Variants in GASK1A observed in about 807,000 individuals in gnomAD.
GASK1A encodes golgi associated kinase 1A.
GASK1A carries 40 observed loss-of-function variants against 41.2 expected under a neutral mutation model. The ratio of observed to expected loss-of-function variants is 0.97; its 90% CI spans 0.75 to 1.27. GASK1A has a LOEUF of 1.27. Among genes scored for constraint, GASK1A ranks in the 50% most tolerant of loss-of-function variants. GASK1A has a pLI of 0.00. For synonymous variants in GASK1A, 316 were observed against 307.1 expected (o/e 1.03, Z -0.30); for missense variants, 678 against 745.1 (o/e 0.91, Z 1.05).
Position 42,979,654 on chromosome 3 carries a change from C to T in GASK1A, c.3+9C>T. 8.0e-7 allele frequency: 1 copy of T among 1,245,670 alleles called. No homozygotes were observed. Among genetic ancestry groups the T allele is most frequent in the Non-Finnish European group, 1.0e-6 (1 of 987,692 alleles). 77.2% of individuals were successfully genotyped at this position (1,245,670 alleles called of 1,614,324 possible). Reference sequence around the variant, plus strand: ...GCACCGCCGGGGACATGGTAGGACTCGCGGGAAGGAACGCGCGAGCGGAGG... The same window carrying T: ...GCACCGCCGGGGACATGGTAGGACTTGCGGGAAGGAACGCGCGAGCGGAGG... On this transcript the variant is annotated intron_variant, in intron 1 of 4. Transcript: ENST00000430121.
At chr3:43,030,038 C>T (rs2089566722) in intron 1 of GASK1A, among the ~76,000 whole-genome samples, 1 of 152,148 alleles carries the variant, frequency 6.6e-6, no homozygotes, top group African/African-American at 2.4e-5. Context: ...CTGCTGTCAC[C>T]CAGGCTGGAG....
rs2089298513 is a variant in GASK1A, at chr3:42,984,535, A to C, written c.3+4890A>C. On this transcript the variant is annotated intron_variant, in intron 1 of 4. Transcript: ENST00000430121. The surrounding 1 kb of genome is among the most constrained non-coding windows in gnomAD (Gnocchi z 4.2). ...ATAGCATCTGGTGAATCCTGGGGTCAAGGAGGCTAAGAGTGGAAGGAAAGC... is the reference window on the plus strand; with the variant it reads ...ATAGCATCTGGTGAATCCTGGGGTCCAGGAGGCTAAGAGTGGAAGGAAAGC... Among the ~76,000 whole-genome samples, 1 of 152,102 alleles carries C rather than the reference A, an allele frequency of 6.6e-6. No individual in the cohort carries two copies. The highest frequency in any genetic ancestry group is 1.5e-5 in the Non-Finnish European group (1 of 68,016).
intron 2 of GASK1A, among the ~76,000 whole-genome samples, chr3:43,051,407 G>A (rs888351746): frequency 1.3e-5 from 2 of 152,162 alleles, no homozygotes; most frequent in African/African-American, 4.8e-5. Context: ...TCTCCAACAC[G>A]TATGTATGCA....
chr3:43,004,452 TG>T (rs2089424654), intron 1 of GASK1A, among the ~76,000 whole-genome samples: 1 of 152,188 alleles, frequency 6.6e-6, no homozygotes, highest in African/African-American at 2.4e-5. Flanking sequence ...AGCTTATGAG[TG>T]ATCGTCACAC....
At chr3:43,046,445 G>A (rs2089662428) in intron 2 of GASK1A, among the ~76,000 whole-genome samples, 1 of 152,186 alleles carries the variant, frequency 6.6e-6, no homozygotes, top group South Asian at 2.1e-4. Flanking sequence ...AAGCAGCAAA[G>A]CATTCAAGAT....
rs151035271 is a variant in GASK1A, at chr3:43,016,129, G to T, written c.4-16138G>T. On this transcript the variant is annotated intron_variant, in intron 1 of 4. Transcript: ENST00000430121. Reference sequence around the variant, plus strand: ...AAGGGGCTGTGTGAAGCCCCGGGAAGGGGCATAGGAAGTCACAGGAAGTGG... The same window carrying T: ...AAGGGGCTGTGTGAAGCCCCGGGAATGGGCATAGGAAGTCACAGGAAGTGG... Among the ~76,000 whole-genome samples, 904 of 152,020 alleles carry T rather than the reference G, an allele frequency of 5.9e-3. 5 individuals are homozygous for T. The highest frequency in any genetic ancestry group is 0.02 in the African/African-American group (846 of 41,458).
At position 43,032,717 on chromosome 3, in the gene GASK1A, G is replaced by A. The variant is rs2089583641; in HGVS notation, c.454G>A (p.Gly152Ser). The change falls in exon 2 of 5, where the codon GGC becomes AGC. Residue 152 changes from glycine to serine, a missense_variant. Transcript: ENST00000430121. ...TGGAGATCCAGGAACCAAAGACCTG[G>A]GCCACCCCCAGCATGGCAGTCCCAT... ...EVGDPGTKDL[G>S]HPQHGSPIQE... 1.3e-6 allele frequency: 2 copies of A among 1,551,522 alleles called. No homozygotes were observed. Among genetic ancestry groups the A allele is most frequent in the East Asian group, 2.4e-5 (1 of 40,904 alleles).
At chr3:43,035,063 G>A (rs1443147219) in intron 2 of GASK1A, among the ~76,000 whole-genome samples, 2 of 152,186 alleles carry the variant, frequency 1.3e-5, no homozygotes, top group Admixed American at 1.3e-4. Flanking sequence ...TGATGATCAA[G>A]AGCATGGGCC....
At chr3:43,024,490 C>T (rs932395345) in intron 1 of GASK1A, among the ~76,000 whole-genome samples, 1 of 152,136 alleles carries the variant, frequency 6.6e-6, no homozygotes, top group Non-Finnish European at 1.5e-5. Context: ...TGTGTCTTAC[C>T]AAACACTGCA....
chr3:42,988,631 G>A (rs1430807806), intron 1 of GASK1A, among the ~76,000 whole-genome samples: 1 of 152,254 alleles, frequency 6.6e-6, no homozygotes, highest in Middle Eastern at 3.2e-3. Flanking sequence ...GAGCCAGGCA[G>A]GTGCCCCTTT....
Position 43,032,766 on chromosome 3 carries a change from T to C in GASK1A, c.503T>C (p.Val168Ala), listed in dbSNP as rs763286591. The C allele has an allele frequency of 2.5e-5, 39 of 1,551,044 alleles. No homozygotes were observed. Among genetic ancestry groups the C allele is most frequent in the Non-Finnish European group, 3.4e-5 (39 of 1,146,958 alleles). The part of the protein sequence containing the change: ...SPIQETQSEV[V>A]TLVSPLPGSD... ...ATCCAGGAGACACAGAGTGAGGTGG[T>C]CACCCTGGTCAGTCCACTCCCAGGG... The change falls in exon 2 of 5, where the codon GTC becomes GCC. Residue 168 changes from valine to alanine, a missense_variant. By Grantham distance (64) the Val-to-Ala change is moderately conservative (BLOSUM62 0). Transcript: ENST00000430121.
At chr3:42,994,582 G>C (rs1358071319) in intron 1 of GASK1A, among the ~76,000 whole-genome samples, 1 of 151,990 alleles carries the variant, frequency 6.6e-6, no homozygotes, top group East Asian at 1.9e-4. Flanking sequence ...TGGGCTGAGA[G>C]GGCATTCGGT....
intron 1 of GASK1A, among the ~76,000 whole-genome samples, chr3:43,030,757 C>G (rs1464334331): frequency 6.6e-6 from 1 of 152,156 alleles, no homozygotes; most frequent in Non-Finnish European, 1.5e-5. Context: ...CAGCATGGGT[C>G]AGGATCCAGG....
intron 1 of GASK1A, among the ~76,000 whole-genome samples, chr3:42,997,435 AGAG>A (rs924104205): frequency 1.5e-4 from 13 of 84,288 alleles, no homozygotes; most frequent in South Asian, 3.9e-4. Context: ...AGAGACAGAG[AGAG>A]GGGGGGGGGA....
At chr3:43,022,031 G>C (rs2089525005) in intron 1 of GASK1A, among the ~76,000 whole-genome samples, 2 of 152,170 alleles carry the variant, frequency 1.3e-5, no homozygotes, top group Admixed American at 6.5e-5. Context: ...GAAAAGACAG[G>C]GTGTGTAATT....
chr3:43,031,772 AC>A (rs1285205807), intron 1 of GASK1A, among the ~76,000 whole-genome samples: 3 of 152,200 alleles, frequency 2.0e-5, no homozygotes, highest in African/African-American at 7.2e-5. Flanking sequence ...TCACATGGTC[AC>A]ACCCTGTTGC....
Position 43,033,141 on chromosome 3 carries a change from G to A in GASK1A, c.878G>A (p.Gly293Asp), listed in dbSNP as rs1009634961. The change falls in exon 2 of 5, where the codon GGC becomes GAC. Residue 293 changes from glycine (G) to aspartate (D), a missense_variant. Physicochemically the swap from Gly to Asp is moderately conservative, Grantham distance 94. Coordinates refer to ENST00000430121, the MANE Select transcript of GASK1A (RefSeq NM_001129908.3). The stretch of plus-strand genomic sequence containing the variant: ...GCCCATGGGCAGGTGCTACAGGTTG[G>A]CTTCTCCACTGAGGCTGCCCTTCAG... ...VPAHGQVLQV[G>D]FSTEAALQDL... 23 of 1,550,850 alleles carry A rather than the reference G, an allele frequency of 1.5e-5. No homozygotes were observed. The highest frequency in any genetic ancestry group is 2.0e-5 in the Non-Finnish European group (23 of 1,146,528).
At chr3:43,000,631 C>T (rs1208716470) in intron 1 of GASK1A, among the ~76,000 whole-genome samples, 1 of 152,254 alleles carries the variant, frequency 6.6e-6, no homozygotes, top group Non-Finnish European at 1.5e-5. Flanking sequence ...ATTCCTCTGT[C>T]ACATTTCCCA....
Position 42,979,636 on chromosome 3 carries a change from C to T in GASK1A, c.-7C>T, listed in dbSNP as rs748481926. The T allele has an allele frequency of 2.7e-5, 33 of 1,244,618 alleles. No individual in the cohort carries two copies. The highest frequency in any genetic ancestry group is 4.2e-5 in the Admixed American group (1 of 23,682). The allele number at this position is 1,244,618 out of a possible 1,614,324, so 77.1% of individuals were successfully genotyped here. On this transcript the variant is annotated 5_prime_UTR_variant, in exon 1 of 5. Coordinates refer to ENST00000430121, the MANE Select transcript of GASK1A (RefSeq NM_001129908.3). ...GCCGAGGAGCCGGCCGGGGCACCGCCGGGGACATGGTAGGACTCGCGGGAA... is the reference window on the plus strand; with the variant it reads ...GCCGAGGAGCCGGCCGGGGCACCGCTGGGGACATGGTAGGACTCGCGGGAA...
Sources: allele counts gnomAD v4.1 joint callset (sites outside exome capture counted in the v4.1 genomes callset), GRCh38; gene constraint gnomAD v4.1.1; non-coding constraint Gnocchi (gnomAD v3.1); transcripts MANE v1.5; gene names NCBI Gene and HGNC (gene_info 2026-07-23, HGNC 2026-07-21).